Variants in CSAD observed in about 807,000 individuals in gnomAD.
The protein encoded by CSAD is cysteine sulfinic acid decarboxylase.
CSAD carries 47 observed loss-of-function variants against 61.5 expected under a neutral mutation model. The ratio of observed to expected loss-of-function variants is 0.76; its 90% confidence interval spans 0.60 to 0.97. The LOEUF is 0.97. Ranked by LOEUF, CSAD falls within the 50% of genes least tolerant of loss-of-function variation. CSAD has a pLI of 0.00. For synonymous variants in CSAD, 245 were observed against 252.7 expected (o/e 0.97, Z 0.29); for missense variants, 611 against 643.6 (o/e 0.95, Z 0.55).
At chr12:53,172,937 G>C (rs894802740) in intron 4 of CSAD, among the ~76,000 whole-genome samples, 30 of 152,238 alleles carry the variant, frequency 2.0e-4, no homozygotes, top group Admixed American at 6.5e-5. Flanking sequence ...GCCAGGCGTG[G>C]TAGCTCACGC....
chr12:53,161,592 G>A (rs888057388), intron 10 of CSAD, among the ~76,000 whole-genome samples: 8 of 151,866 alleles, frequency 5.3e-5, no homozygotes, highest in Admixed American at 2.0e-4. Flanking sequence ...GATGGACTTC[G>A]AACCTAGGTT....
chr12:53,175,862 A>T (rs1826191492), intron 2 of CSAD, among the ~76,000 whole-genome samples: 1 of 152,212 alleles, frequency 6.6e-6, no homozygotes, highest in Non-Finnish European at 1.5e-5. Context: ...TAGCCTAAAT[A>T]GGTATTTATT....
At chr12:53,159,435 G>A (rs893777345) in intron 16 of CSAD, among the ~76,000 whole-genome samples, 188 bp downstream of exon 16, 5 of 152,220 alleles carry the variant, frequency 3.3e-5, no homozygotes, top group South Asian at 2.1e-4. Context: ...AACACACGTC[G>A]CTGCTTCTTA....
intron 13 of CSAD, 106 bp from the exon 14 acceptor site, chr12:53,160,425 G>T: frequency 8.6e-7 from 1 of 1,162,944 alleles, no homozygotes; most frequent in South Asian, 1.3e-5. Flanking sequence ...TCTTTCCCTG[G>T]AGCCAGATGG....
At chr12:53,173,260 G>A (rs1300124620) in intron 4 of CSAD, 85 bp downstream of exon 4, 32 of 1,193,252 alleles carry the variant, frequency 2.7e-5, no homozygotes, top group Non-Finnish European at 3.6e-5. Flanking sequence ...AGGAAGGGGG[G>A]GGGAGAAAGA....
At chr12:53,180,015 G>C in intron 1 of CSAD, 2 of 1,443,566 alleles carry the variant, frequency 1.4e-6, no homozygotes, top group African/African-American at 1.4e-5. Flanking sequence ...TGGACGGCCT[G>C]GAGTAAAGGG....
At position 53,172,550 on chromosome 12, in the gene CSAD, C is replaced by T; in HGVS notation, c.225G>A (p.Arg75=). 6.2e-7 allele frequency: 1 copy of T among 1,613,984 alleles called. No individual in the cohort carries two copies. Among genetic ancestry groups the T allele is most frequent in the Non-Finnish European group, 8.5e-7 (1 of 1,179,970 alleles). Residue 75 remains arginine (R), a synonymous_variant, in exon 5 of 17, where the codon CGG becomes CGA. Coordinates refer to ENST00000444623, the MANE Select transcript of CSAD (RefSeq NM_001244705.2). The stretch of plus-strand genomic sequence containing the variant: ...TCTTGACACTGTAGCGAATCACAGC[C>T]CGACACCGCTCCAGGATCTGCTTCT... ...ESQKQILERC[R]AVIRYSVKTG... is the part of the protein sequence containing the mutation.
chr12:53,180,750 A>T lies in CSAD; in HGVS notation c.-109T>A. The T allele has an allele frequency of 7.9e-7, 1 of 1,266,260 alleles. No individual in the cohort carries two copies. The highest frequency in any genetic ancestry group is 1.0e-6 in the Non-Finnish European group (1 of 978,192). The allele number at this position is 1,266,260 out of a possible 1,614,324, so 78.4% of individuals were successfully genotyped here. On this transcript the variant is annotated 5_prime_UTR_variant, in exon 1 of 17. Transcript: ENST00000444623. ...AACTTGCCTCGGTCCCGGTGGGGGC[A>T]GCCGCGGCGGTGGGGTTGGCAGGGT... is the stretch of plus-strand genomic sequence containing the variant.
chr12:53,180,708 C>G, intron 1 of CSAD, 24 bp downstream of exon 1: 1 of 1,269,604 alleles, frequency 7.9e-7, no homozygotes, highest in Non-Finnish European at 1.0e-6. Context: ...GGAAACGGGC[C>G]GGGGTTGGTG....
chr12:53,174,083 T>C, intron 2 of CSAD: 1 of 339,954 alleles, frequency 2.9e-6, no homozygotes, highest in South Asian at 2.6e-5. Flanking sequence ...GGCGGGCGGA[T>C]CACGAGGTCA....
chr12:53,175,709 T>C (rs1410439858), intron 2 of CSAD, among the ~76,000 whole-genome samples: 1 of 152,240 alleles, frequency 6.6e-6, no homozygotes, highest in African/African-American at 2.4e-5. Flanking sequence ...ATCAATGATT[T>C]GCAGGTACTG....
chr12:53,181,040 G>T (rs911438128), upstream of CSAD: 3 of 873,468 alleles, frequency 3.4e-6, no homozygotes, highest in Middle Eastern at 5.5e-4. Context: ...CGCGTCCCCG[G>T]CCCGGGAGAG....
intron 9 of CSAD, 32 bp from the exon 10 acceptor site, chr12:53,170,158 G>A (rs1488759261): frequency 6.2e-7 from 1 of 1,602,624 alleles, no homozygotes. Context: ...GTAGAGCAGG[G>A]ACAGGTTCTC....
rs764495154 is a variant in CSAD at position 53,171,973 on chromosome 12, G to A, written c.360C>T (p.Ile120=). Residue 120 remains isoleucine (I), a synonymous_variant, in exon 7 of 17, where the codon ATC becomes ATT. Coordinates refer to ENST00000444623, the MANE Select transcript of CSAD (RefSeq NM_001244705.2). ...SLNTSQYTYE[I]APVFVLMEEE... ...CTTCCATGAGCACAAACACGGGGGC[G>A]ATTTCATATGTGTACCTGCCAGGAG... 24 of 1,613,324 alleles carry A rather than the reference G, an allele frequency of 1.5e-5. No individual in the cohort carries two copies. In the Admixed American group the frequency reaches 2.0e-4, roughly 13 times the overall value.
rs146778151 is a variant in CSAD at position 53,173,069 on chromosome 12, G to A, written c.126+276C>T. ...CTAAAAATACAAAAATTAGCCGGGC[G>A]TGGTGGCACATGCCTGTAATCCCAG... On this transcript the variant is annotated intron_variant, in intron 4 of 16. Transcript: ENST00000444623. 3.5e-3 allele frequency among the ~76,000 whole-genome samples: 530 copies of A among 152,212 alleles called. 1 individual carries two copies. Among genetic ancestry groups the A allele is most frequent in the African/African-American group, 0.012 (497 of 41,536 alleles).
rs1938864810 is a variant in CSAD, at chr12:53,158,700, G to A, written c.1309-16C>T. 6.2e-7 allele frequency: 1 copy of A among 1,610,858 alleles called. No homozygotes were observed. The highest frequency in any genetic ancestry group is 8.5e-7 in the Non-Finnish European group (1 of 1,177,842). ...CGGGGGCCACCTGTGGAAGGGTGGAGAGAGATTCCAGCTGCAGCCTGGGTC... is the reference window on the plus strand; with the variant it reads ...CGGGGGCCACCTGTGGAAGGGTGGAAAGAGATTCCAGCTGCAGCCTGGGTC... On this transcript the variant is annotated splice_polypyrimidine_tract_variant and intron_variant, in intron 16 of 16. Transcript: ENST00000444623.
At chr12:53,164,317 C>A in intron 10 of CSAD, 1 of 173,700 alleles carries the variant, frequency 5.8e-6, no homozygotes, top group Non-Finnish European at 1.3e-5. Flanking sequence ...ATAGCAAAGA[C>A]ATGGAATCAA....
intron 3 of CSAD, 53 bp downstream of exon 3, chr12:53,173,675 C>T (rs1940858313): frequency 1.4e-6 from 2 of 1,465,742 alleles, no homozygotes; most frequent in Admixed American, 3.4e-5. Context: ...GCAGTCAGTG[C>T]TGAGCAAGTG....
rs765288166 is a variant in CSAD, at chr12:53,172,634, C to T, written c.141G>A (p.Lys47=). Reference sequence around the variant, plus strand: ...GCAGCTGCTTCAGCTCCTCAGGCTCCTTCCACTCACAGACCTAGGAAGAGA... The same window carrying T: ...GCAGCTGCTTCAGCTCCTCAGGCTCTTTCCACTCACAGACCTAGGAAGAGA... ...TSVSQKVCEW[K]EPEELKQLLD... The change falls in exon 5 of 17, where the codon AAG becomes AAA. Residue 47 remains lysine (K), a synonymous_variant. Coordinates refer to ENST00000444623, the MANE Select transcript of CSAD (RefSeq NM_001244705.2). The T allele has an allele frequency of 1.2e-6, 2 of 1,607,314 alleles. No individual in the cohort carries two copies. Among genetic ancestry groups the T allele is most frequent in the Admixed American group, 1.7e-5 (1 of 59,470 alleles).
Sources: allele counts gnomAD v4.1 joint callset (sites outside exome capture counted in the v4.1 genomes callset), GRCh38; gene constraint gnomAD v4.1.1; transcripts MANE v1.5; gene names NCBI Gene and HGNC (gene_info 2026-07-23, HGNC 2026-07-21).